Variants in ADARB2 observed in about 807,000 individuals in gnomAD.
The protein encoded by ADARB2 is inactive double-stranded RNA-specific editase B2.
In ADARB2, 25 loss-of-function variants were observed where a neutral mutation model predicts 62.2. That is an observed-to-expected ratio of 0.40 (90% CI 0.29 to 0.56). ADARB2 has a LOEUF of 0.56. Ranked by LOEUF, ADARB2 falls within the 20% of genes least tolerant of loss-of-function variation. The pLI is 0.43. For missense variants in ADARB2, 1,071 were observed against 1,077.4 expected (o/e 0.99, Z 0.08); for synonymous variants, 572 against 500.8 (o/e 1.14, Z -1.90).
intron 1 of ADARB2, among the ~76,000 whole-genome samples, chr10:1,468,931 G>T (rs1831288992): frequency 1.3e-5 from 2 of 152,226 alleles, no homozygotes; most frequent in African/African-American, 2.4e-5. Flanking sequence ...TTTTGCACAT[G>T]AGAACACTGC....
intron 4 of ADARB2, among the ~76,000 whole-genome samples, chr10:1,262,923 C>G (rs978276431): frequency 6.6e-6 from 1 of 152,056 alleles, no homozygotes; most frequent in East Asian, 1.9e-4. Context: ...AAATGTGGCA[C>G]ATGTACACCA....
intron 1 of ADARB2, among the ~76,000 whole-genome samples, chr10:1,474,653 C>T (rs1168936333): frequency 1.3e-5 from 2 of 152,146 alleles, no homozygotes; most frequent in African/African-American, 2.4e-5. Flanking sequence ...TGAGACTGTC[C>T]GCCCACCAGG....
chr10:1,705,565 T>TACAG (rs1384148939), intron 1 of ADARB2, among the ~76,000 whole-genome samples: 1 of 152,210 alleles, frequency 6.6e-6, no homozygotes, highest in South Asian at 2.1e-4. Context: ...GGAGATTGTT[T>TACAG]ACAGACAGTT....
chr10:1,675,926 A>G (rs1200604962), intron 1 of ADARB2: 2 of 892,600 alleles, frequency 2.2e-6, no homozygotes, highest in Non-Finnish European at 2.7e-6. Flanking sequence ...CGCGTGGGTC[A>G]GAGTTGAATC....
intron 8 of ADARB2, chr10:1,186,475 C>T (rs1368898913): frequency 1.9e-6 from 1 of 518,980 alleles, no homozygotes. Flanking sequence ...GAATCTCCCA[C>T]CTCCCGCGGC....
Position 1,469,258 on chromosome 10 carries a change from G to A in ADARB2, c.101-90098C>T, listed in dbSNP as rs977955692. On this transcript the variant is annotated intron_variant, in intron 1 of 9. Coordinates refer to ENST00000381312, the MANE Select transcript of ADARB2 (RefSeq NM_018702.4). ...CCCCCTGCAAAGCACCGCGGTCTGC[G>A]CACGGCTCCGGGAGGTCACGGCCTT... Among the ~76,000 whole-genome samples the A allele has an allele frequency of 5.9e-5, 9 of 152,328 alleles. No homozygotes were observed. In the South Asian group the frequency reaches 6.2e-4, roughly 11 times the overall value.
intron 1 of ADARB2, among the ~76,000 whole-genome samples, chr10:1,495,185 C>T (rs1190393162): frequency 6.6e-6 from 1 of 152,168 alleles, no homozygotes. Flanking sequence ...TTTAAGTCTG[C>T]TACAAAACCA....
chr10:1,456,113 G>T (rs1019419021), intron 1 of ADARB2, among the ~76,000 whole-genome samples: 2 of 152,256 alleles, frequency 1.3e-5, no homozygotes, highest in South Asian at 4.1e-4. Flanking sequence ...CATAATTAAA[G>T]ATTTAAGATC....
At chr10:1,266,516 G>T (rs1390053637) in intron 4 of ADARB2, among the ~76,000 whole-genome samples, 1 of 151,102 alleles carries the variant, frequency 6.6e-6, no homozygotes, top group Admixed American at 6.6e-5. Flanking sequence ...GGGGGTGGGG[G>T]GGGGGCCGTG....
chr10:1,268,122 G>T (rs1256466460), intron 4 of ADARB2, among the ~76,000 whole-genome samples: 1 of 151,900 alleles, frequency 6.6e-6, no homozygotes, highest in Non-Finnish European at 1.5e-5. Flanking sequence ...CATAATAATG[G>T]AAAATGAAAA....
At chr10:1,250,654 T>C (rs1018532230) in intron 4 of ADARB2, among the ~76,000 whole-genome samples, 1 of 152,210 alleles carries the variant, frequency 6.6e-6, no homozygotes, top group Non-Finnish European at 1.5e-5. Flanking sequence ...CTTCCCAGCC[T>C]GCAGAAGCAT....
chr10:1,463,880 C>G (rs1161983107), intron 1 of ADARB2, among the ~76,000 whole-genome samples: 1 of 152,164 alleles, frequency 6.6e-6, no homozygotes, highest in African/African-American at 2.4e-5. Context: ...GGGATTTGAG[C>G]AGACACTTTG....
chr10:1,697,296 A>T (rs1834759596), intron 1 of ADARB2, among the ~76,000 whole-genome samples: 1 of 152,198 alleles, frequency 6.6e-6, no homozygotes, highest in Non-Finnish European at 1.5e-5. Flanking sequence ...GAAACTGATG[A>T]GATTTCCTTG....
chr10:1,428,270 C>A (rs1830730664), intron 1 of ADARB2, among the ~76,000 whole-genome samples: 1 of 149,712 alleles, frequency 6.7e-6, no homozygotes, highest in Non-Finnish European at 1.5e-5. Flanking sequence ...ACCACACCTG[C>A]CTCCAAAATG....
In ADARB2 at chr10:1,369,270, G is replaced by A. The variant is rs142125260; in HGVS notation, c.188-5353C>T. 8.7e-3 allele frequency among the ~76,000 whole-genome samples: 1,332 copies of A among 152,246 alleles called. 11 individuals are homozygous for A. Among genetic ancestry groups the A allele is most frequent in the Non-Finnish European group, 0.012 (837 of 68,024 alleles). ...ACATCAGGAGACCAGGAAAACACCT[G>A]CCTCTAAGTAGAAAGCTATTGATGG... On this transcript the variant is annotated intron_variant, in intron 2 of 9. Transcript: ENST00000381312.
chr10:1,393,161 A>G (rs1832584764), intron 1 of ADARB2, among the ~76,000 whole-genome samples: 1 of 151,954 alleles, frequency 6.6e-6, no homozygotes, highest in African/African-American at 2.4e-5. Flanking sequence ...GAATGTGTCC[A>G]TTTTTCATGG....
chr10:1,465,104 G>A (rs999099081), intron 1 of ADARB2, among the ~76,000 whole-genome samples: 9 of 152,198 alleles, frequency 5.9e-5, no homozygotes, highest in Non-Finnish European at 1.3e-4. Flanking sequence ...CTCAAGACAC[G>A]TCCTGCTCGG....
At position 1,351,909 on chromosome 10, in the gene ADARB2, T is replaced by A. The variant is rs533456959; in HGVS notation, c.1077+11119A>T. Among the ~76,000 whole-genome samples the A allele has an allele frequency of 1.7e-3, 248 of 143,716 alleles. 23 individuals are homozygous for A. Among genetic ancestry groups the A allele is most frequent in the African/African-American group, 6.8e-3 (240 of 35,408 alleles). The allele number at this position is 143,716 out of a possible 152,430, so 94.3% of individuals were successfully genotyped here. A position where few individuals can be genotyped will look rare whatever the true frequency, so the allele number is the denominator to read the frequency against. ...CCAAATTGTTTTGCCTATCCACCCC[T>A]TGGTGCCAAACCCATATACTCTCCT... On this transcript the variant is annotated intron_variant, in intron 3 of 9. Transcript: ENST00000381312.
At chr10:1,361,875 G>A (rs1832260525) in intron 3 of ADARB2, among the ~76,000 whole-genome samples, 1 of 152,220 alleles carries the variant, frequency 6.6e-6, no homozygotes, top group African/African-American at 2.4e-5. Flanking sequence ...ACTGGGCTAA[G>A]TGCTTTTTAA....
Sources: gnomAD v4.1 joint callset for allele counts (sites outside exome capture counted in the v4.1 genomes callset) on GRCh38, gnomAD v4.1.1 for gene constraint, MANE v1.5 for transcripts, NCBI Gene and HGNC (gene_info 2026-07-23, HGNC 2026-07-21) for gene names.